The following RTN4RL1 variants were observed in gnomAD, a reference collection of about 807,000 sequenced individuals.
RTN4RL1 encodes reticulon-4 receptor-like 1.
RTN4RL1 carries 7 observed loss-of-function variants against 25.6 expected under a neutral mutation model. That is an observed-to-expected ratio of 0.27 (90% CI 0.16 to 0.51). The LOEUF (loss-of-function observed/expected upper bound fraction) is 0.51, where lower values mean the gene tolerates loss of function less well. RTN4RL1 is among the 20% of genes least tolerant of loss of function. The pLI is 0.97. For synonymous variants in RTN4RL1, 297 were observed against 288.2 expected, an observed-to-expected ratio of 1.03 and a Z score of -0.31; for missense variants, 500 against 615.6, an observed-to-expected ratio of 0.81 and a Z score of 1.99.
intron 1 of RTN4RL1, among the ~76,000 whole-genome samples, chr17:2,006,147 G>A (rs1467519807): frequency 6.7e-6 from 1 of 149,478 alleles, no homozygotes; most frequent in Non-Finnish European, 1.5e-5. Flanking sequence ...CATATTTGGG[G>A]GAGGTTTGCA....
chr17:1,970,697 T>C (rs905362585), intron 1 of RTN4RL1, among the ~76,000 whole-genome samples: 1 of 152,186 alleles, frequency 6.6e-6, no homozygotes, highest in African/African-American at 2.4e-5. Flanking sequence ...ATCAAGGGAC[T>C]GGAGGGAAGG....
intron 1 of RTN4RL1, among the ~76,000 whole-genome samples, chr17:2,006,318 C>T (rs1433094861): frequency 6.6e-6 from 1 of 152,002 alleles, no homozygotes; most frequent in Non-Finnish European, 1.5e-5. Context: ...CCACCACACC[C>T]AGCTAATTTT....
chr17:1,946,831 C>T (rs146365774), intron 1 of RTN4RL1, among the ~76,000 whole-genome samples: 204 of 140,442 alleles, frequency 1.5e-3, no homozygotes, highest in Non-Finnish European at 2.3e-3. Flanking sequence ...TGCACGGGGT[C>T]TGTGTGCATC....
rs1326974609 is a variant in RTN4RL1, at chr17:1,937,724, G to A, written c.98C>T (p.Pro33Leu). The change falls in exon 2 of 2, where the codon CCG becomes CTG. Residue 33 changes from proline to leucine, a missense_variant. Coordinates refer to ENST00000331238, the MANE Select transcript of RTN4RL1 (RefSeq NM_178568.4). ...GGCPRDCVCY[P>L]APMTVSCQAH... ...CTGGCAGCTGACCGTCATGGGCGCC[G>A]GGTAGCACACACAGTCCCGTGGGCA... is the stretch of plus-strand genomic sequence containing the variant. 8.7e-6 allele frequency: 14 copies of A among 1,611,004 alleles called. No homozygotes were observed. The highest frequency in any genetic ancestry group is 1.7e-4 in the Middle Eastern group (1 of 5,974).
intron 1 of RTN4RL1, among the ~76,000 whole-genome samples, chr17:1,945,198 G>A (rs1915512161): frequency 6.6e-6 from 1 of 152,120 alleles, no homozygotes; most frequent in Non-Finnish European, 1.5e-5. Context: ...CAAGTCCCCT[G>A]AGGCCTTGTC....
At position 1,967,256 on chromosome 17, in the gene RTN4RL1, AAAC is replaced by A. The variant is rs1454488412; in HGVS notation, c.14-29451_14-29449del. On this transcript the variant is annotated intron_variant, in intron 1 of 1. Transcript: ENST00000331238. ...TGGTTGGCAGCAAATTCGACAAAACAAACAAAACAAACAAAACACTGTGTGGGC... is the reference window on the plus strand; with the variant it reads ...TGGTTGGCAGCAAATTCGACAAAACAAAAACAAACAAAACACTGTGTGGGC... Among the ~76,000 whole-genome samples the A allele has an allele frequency of 2.8e-4, 26 of 93,382 alleles. No homozygotes were observed. The East Asian group carries it at 7.6e-3, about 27-fold the overall frequency. The allele number at this position is 93,382 out of a possible 152,430, so 61.3% of individuals were successfully genotyped here.
intron 1 of RTN4RL1, among the ~76,000 whole-genome samples, chr17:2,009,168 G>T (rs2067024648): frequency 6.6e-6 from 1 of 152,160 alleles, no homozygotes; most frequent in Admixed American, 6.5e-5. Context: ...TGGAGTAAAA[G>T]GGCAGGGTTC....
At chr17:1,977,609 G>A (rs372328856) in intron 1 of RTN4RL1, among the ~76,000 whole-genome samples, 59 of 152,262 alleles carry the variant, frequency 3.9e-4, no homozygotes, top group African/African-American at 1.3e-3. Context: ...CAGAGACCGC[G>A]GGGCCTGGGG....
chr17:1,935,943 G>A lies in RTN4RL1; in HGVS notation c.*553C>T, dbSNP rs1567845438. 4 of 985,626 alleles carry A rather than the reference G, an allele frequency of 4.1e-6. No homozygotes were observed. The highest frequency in any genetic ancestry group is 3.6e-6 in the Non-Finnish European group (3 of 829,960). The allele number at this position is 985,626 out of a possible 1,614,324, so 61.1% of individuals were successfully genotyped here. On this transcript the variant is annotated 3_prime_UTR_variant, in exon 2 of 2. Coordinates refer to ENST00000331238, the MANE Select transcript of RTN4RL1 (RefSeq NM_178568.4). ...GCCTGAGACATCAGGAATGAGAGGC[G>A]CTACCCCCGAGGGAGGGGCTGAAGG... is the stretch of plus-strand genomic sequence containing the variant.
chr17:1,954,191 C>A (rs1369248833), intron 1 of RTN4RL1, among the ~76,000 whole-genome samples: 2 of 152,162 alleles, frequency 1.3e-5, no homozygotes, highest in African/African-American at 4.8e-5. Context: ...AGTGTCCCAA[C>A]ACGCCTTCCA....
At chr17:1,988,271 T>C (rs2066895137) in intron 1 of RTN4RL1, among the ~76,000 whole-genome samples, 1 of 148,426 alleles carries the variant, frequency 6.7e-6, no homozygotes, top group Non-Finnish European at 1.5e-5. Context: ...AAAAATTAGC[T>C]GGGTGTGCCT....
chr17:1,963,278 A>G (rs2066774273), intron 1 of RTN4RL1, among the ~76,000 whole-genome samples: 1 of 152,110 alleles, frequency 6.6e-6, no homozygotes, highest in African/African-American at 2.4e-5. Context: ...CGTGTCCTTC[A>G]TTTCTCTTGA....
Position 1,937,597 on chromosome 17 carries a change from G to A in RTN4RL1, c.225C>T (p.Ser75=). 3.7e-6 allele frequency: 6 copies of A among 1,613,954 alleles called. No homozygotes were observed. Among genetic ancestry groups the A allele is most frequent in the Non-Finnish European group, 5.1e-6 (6 of 1,179,838 alleles). ...AGATCCACAGGGTGACCATGGCGGG[G>A]CTGAAGTGGCCGGGCTGGAGGAGGC... is the stretch of plus-strand genomic sequence containing the variant. ...RIGLLQPGHF[S]PAMVTLWIYS... The change falls in exon 2 of 2, where the codon AGC becomes AGT. Residue 75 remains serine, a synonymous_variant. Transcript: ENST00000331238.
intron 1 of RTN4RL1, among the ~76,000 whole-genome samples, chr17:1,957,937 G>A (rs530994571): frequency 6.6e-6 from 1 of 152,194 alleles, no homozygotes; most frequent in South Asian, 2.1e-4. Context: ...AACACTTTGG[G>A]AGGCCGAGGC....
chr17:1,940,648 C>G lies in RTN4RL1; in HGVS notation c.14-2840G>C, dbSNP rs549924508. ...CTGCCCACTGCCTGAACCCTCCACA[C>G]CCAGGGCTGGGAGGGGGCCCCAACC... On this transcript the variant is annotated intron_variant, in intron 1 of 1. Transcript: ENST00000331238. 3.9e-5 allele frequency among the ~76,000 whole-genome samples: 6 copies of G among 152,258 alleles called. No homozygotes were observed. The South Asian group carries it at 1.2e-3, about 32-fold the overall frequency.
intron 1 of RTN4RL1, among the ~76,000 whole-genome samples, chr17:2,005,600 C>T (rs1046991353): frequency 6.6e-6 from 1 of 152,026 alleles, no homozygotes; most frequent in African/African-American, 2.4e-5. Flanking sequence ...GGTGTGGTGG[C>T]GTACTCCTGT....
intron 1 of RTN4RL1, among the ~76,000 whole-genome samples, chr17:2,013,450 G>T (rs940985885): frequency 6.6e-6 from 1 of 152,238 alleles, no homozygotes; most frequent in African/African-American, 2.4e-5. Context: ...CTCTAGCAGC[G>T]GAGCTGGCTT....
At chr17:1,968,733 C>G (rs1275110861) in intron 1 of RTN4RL1, among the ~76,000 whole-genome samples, 2 of 152,218 alleles carry the variant, frequency 1.3e-5, no homozygotes, top group Non-Finnish European at 2.9e-5. Flanking sequence ...CCCTGGGATG[C>G]CCCTCCTTCC....
intron 1 of RTN4RL1, among the ~76,000 whole-genome samples, chr17:2,016,082 A>G (rs2067118472): frequency 6.6e-6 from 1 of 152,142 alleles, no homozygotes; most frequent in South Asian, 2.1e-4. Context: ...AACTCCTGCT[A>G]TTGAAAAACC....
Sources: allele counts gnomAD v4.1 joint callset (sites outside exome capture counted in the v4.1 genomes callset), GRCh38; gene constraint gnomAD v4.1.1; transcripts MANE v1.5; gene names NCBI Gene and HGNC (gene_info 2026-07-23, HGNC 2026-07-21).